The following DZIP1L variants were observed in gnomAD, a reference collection of about 807,000 sequenced individuals.
The protein encoded by DZIP1L is cilium assembly protein DZIP1L.
A neutral mutation model predicts 88.7 loss-of-function variants in DZIP1L; 90 were observed. The ratio of observed to expected loss-of-function variants is 1.02; its 90% CI spans 0.86 to 1.21. The LOEUF is 1.21. DZIP1L is among the 50% of genes most tolerant of loss of function. The pLI, the probability that DZIP1L is intolerant of heterozygous loss-of-function variation, is 0.00. For synonymous variants in DZIP1L, 363 were observed against 372.1 expected, an observed-to-expected ratio of 0.98 and a Z score of 0.28; for missense variants, 932 against 955.8, an observed-to-expected ratio of 0.98 and a Z score of 0.33.
rs766725279 is a variant in DZIP1L at position 138,103,916 on chromosome 3, T to C, written c.56A>G (p.Tyr19Cys). The C allele has an allele frequency of 6.8e-6, 11 of 1,613,684 alleles. No individual in the cohort carries two copies. The highest frequency in any genetic ancestry group is 9.3e-6 in the Non-Finnish European group (11 of 1,180,034). The change falls in exon 2 of 16, where the codon TAC becomes TGC. Residue 19 changes from tyrosine (Y) to cysteine (C), a missense_variant. Tyr to Cys is a radical substitution (Grantham distance 194, BLOSUM62 -2). Transcript: ENST00000327532. ...EGLSGPLFGA[Y>C]TFPTFKFQPR... ...CTGAAACTTGAAGGTGGGGAACGTGTAGGCCCCAAAGAGGGGGCCACTGAG... is the reference window on the plus strand; with the variant it reads ...CTGAAACTTGAAGGTGGGGAACGTGCAGGCCCCAAAGAGGGGGCCACTGAG...
chr3:138,076,181 C>A (rs1576448783), intron 11 of DZIP1L, among the ~76,000 whole-genome samples: 1 of 152,226 alleles, frequency 6.6e-6, no homozygotes, highest in East Asian at 1.9e-4. Context: ...TCACTAATTA[C>A]CAGGAAAATG....
intron 2 of DZIP1L, among the ~76,000 whole-genome samples, chr3:138,101,190 T>C (rs2042296377): frequency 6.7e-6 from 1 of 150,342 alleles, no homozygotes; most frequent in Admixed American, 6.6e-5. Context: ...TACACACATA[T>C]ATACCCTTCA....
At chr3:138,068,111 C>T (rs753481548) in intron 13 of DZIP1L, 40 bp downstream of exon 13, 4 of 1,442,010 alleles carry the variant, frequency 2.8e-6, no homozygotes, top group Non-Finnish European at 3.7e-6. Context: ...CCAGGAGCCA[C>T]CACTGCAGGT....
chr3:138,073,727 C>A (rs946234460), intron 11 of DZIP1L, among the ~76,000 whole-genome samples: 25 of 151,942 alleles, frequency 1.6e-4, no homozygotes, highest in Non-Finnish European at 3.5e-4. Context: ...CTCTGAATTG[C>A]CAGAAAAAGA....
intron 10 of DZIP1L, among the ~76,000 whole-genome samples, chr3:138,079,579 G>A (rs1422249651): frequency 2.0e-5 from 3 of 152,184 alleles, no homozygotes; most frequent in African/African-American, 7.2e-5. Flanking sequence ...ACACACATGT[G>A]CTTATATTTG....
rs913901568 is a variant in DZIP1L at position 138,101,677 on chromosome 3, T to A, written c.501+1794A>T. 9 of 799,376 alleles carry A rather than the reference T, an allele frequency of 1.1e-5. No individual in the cohort carries two copies. In the African/African-American group the frequency reaches 1.5e-4, roughly 13 times the overall value. The allele number at this position is 799,376 out of a possible 1,614,324, so 49.5% of individuals were successfully genotyped here. On this transcript the variant is annotated intron_variant, in intron 2 of 15. Coordinates refer to ENST00000327532, the MANE Select transcript of DZIP1L (RefSeq NM_173543.3). ...ATAGGCCGAGCTCAGACCACCTGCA[T>A]AGCCGCTGGTGGTCTTTGTATGGAT...
intron 10 of DZIP1L, chr3:138,080,319 C>A (rs193021438): frequency 9.9e-5 from 36 of 362,462 alleles, no homozygotes; most frequent in African/African-American, 6.8e-4. Flanking sequence ...CTTTGTGACT[C>A]TGGACAAGCT....
Position 138,063,471 on chromosome 3 carries a change from A to C in DZIP1L, c.2143-494T>G, listed in dbSNP as rs1256095330. On this transcript the variant is annotated intron_variant, in intron 15 of 15. Transcript: ENST00000327532. This position sits in a 1 kb window ranked among gnomAD's most constrained non-coding sequence, Gnocchi z 4.1. ...AGCAACAGGAGTCCTTCAGCCTGGA[A>C]GGGTCTGCACTGCAGCCAGCAGGAC... Among the ~76,000 whole-genome samples the C allele has an allele frequency of 2.0e-5, 3 of 152,224 alleles. No homozygotes were observed. Among genetic ancestry groups the C allele is most frequent in the African/African-American group, 7.2e-5 (3 of 41,470 alleles).
At chr3:138,098,915 G>A (rs1185916699) in intron 2 of DZIP1L, among the ~76,000 whole-genome samples, 2 of 152,184 alleles carry the variant, frequency 1.3e-5, no homozygotes, top group Non-Finnish European at 2.9e-5. Context: ...GGAGGCTGAG[G>A]TGGGCGGATC....
chr3:138,086,604 A>G (rs1389832414), intron 7 of DZIP1L, among the ~76,000 whole-genome samples: 9 of 152,154 alleles, frequency 5.9e-5, no homozygotes, highest in African/African-American at 1.9e-4. Flanking sequence ...GGGTGGGGGA[A>G]TTTCAAAGAA....
chr3:138,067,776 T>C lies in DZIP1L; in HGVS notation c.1833-76A>G, dbSNP rs1942979097. On this transcript the variant is annotated intron_variant, in intron 13 of 15. Transcript: ENST00000327532. The stretch of plus-strand genomic sequence containing the variant: ...TTCAAAAGCCAAACTTCACCACGCT[T>C]CAAGCTGGTTTGGTTTGCTCAGGGC... 12 of 1,453,774 alleles carry C rather than the reference T, an allele frequency of 8.3e-6. No individual in the cohort carries two copies. The South Asian group carries it at 1.8e-4, about 22-fold the overall frequency. 90.1% of individuals were successfully genotyped at this position (1,453,774 alleles called of 1,614,324 possible). A position where few individuals can be genotyped will look rare whatever the true frequency, so the allele number is the denominator to read the frequency against.
At chr3:138,101,658 C>T (rs1322767937) in intron 2 of DZIP1L, 10 of 795,112 alleles carry the variant, frequency 1.3e-5, no homozygotes, top group South Asian at 1.1e-4. Flanking sequence ...CCCCATAGGC[C>T]GAGCTCAGAC....
intron 7 of DZIP1L, among the ~76,000 whole-genome samples, chr3:138,085,296 AACT>A (rs1943872746): frequency 6.6e-6 from 1 of 152,234 alleles, no homozygotes; most frequent in Non-Finnish European, 1.5e-5. Flanking sequence ...TAGCAAAAGA[AACT>A]ACCATCAGAG....
intron 9 of DZIP1L, 126 bp from the exon 10 acceptor site, chr3:138,080,746 C>A: frequency 2.3e-6 from 2 of 881,714 alleles, no homozygotes; most frequent in East Asian, 2.7e-5. Context: ...TGCATCTTGA[C>A]TGGAGAGAGG....
At chr3:138,089,093 G>A (rs1037918826) in intron 5 of DZIP1L, 27 of 985,218 alleles carry the variant, frequency 2.7e-5, no homozygotes, top group South Asian at 4.7e-5. Context: ...TATGACTGTC[G>A]TAGTAACAAA....
Position 138,062,354 on chromosome 3 carries a change from G to C in DZIP1L, c.*462C>G, listed in dbSNP as rs1351403925. On this transcript the variant is annotated 3_prime_UTR_variant, in exon 16 of 16. Transcript: ENST00000327532. ...ACCCTAACTCAGTAGTGAGAGGCTA[G>C]AGAGCCTGGCGCAGAGTAGGTAGGC... is the stretch of plus-strand genomic sequence containing the variant. 6.3e-6 allele frequency: 1 copy of C among 158,980 alleles called. No individual in the cohort carries two copies. Among genetic ancestry groups the C allele is most frequent in the Non-Finnish European group, 1.4e-5 (1 of 71,406 alleles). The allele number at this position is 158,980 out of a possible 1,614,324, so 9.8% of individuals were successfully genotyped here. A position where few individuals can be genotyped will look rare whatever the true frequency, so the allele number is the denominator to read the frequency against.
At chr3:138,090,668 C>T (rs1226766282) in intron 5 of DZIP1L, among the ~76,000 whole-genome samples, 1 of 152,014 alleles carries the variant, frequency 6.6e-6, no homozygotes, top group African/African-American at 2.4e-5. Context: ...AGACTCCAGG[C>T]ATATGACAAT....
At chr3:138,081,613 G>T in intron 9 of DZIP1L, 121 bp downstream of exon 9, 2 of 997,260 alleles carry the variant, frequency 2.0e-6, no homozygotes, top group Non-Finnish European at 2.9e-6. Context: ...GACACTACAT[G>T]TCCACAGGCT....
At chr3:138,099,202 C>A (rs990193243) in intron 2 of DZIP1L, among the ~76,000 whole-genome samples, 4 of 152,222 alleles carry the variant, frequency 2.6e-5, no homozygotes, top group African/African-American at 9.6e-5. Flanking sequence ...AAAACACTTA[C>A]AACAAGCTGG....
Sources: gnomAD v4.1 joint callset for allele counts (sites outside exome capture counted in the v4.1 genomes callset) on GRCh38, gnomAD v4.1.1 for gene constraint, Gnocchi (gnomAD v3.1) non-coding constraint, MANE v1.5 for transcripts, NCBI Gene and HGNC (gene_info 2026-07-23, HGNC 2026-07-21) for gene names.